RBFOX3: variants seen among roughly 807,000 people sequenced by gnomAD.
The protein encoded by RBFOX3 is RNA binding fox-1 homolog 3.
In RBFOX3, 17 loss-of-function variants were observed where a neutral mutation model predicts 48.7. That is an observed-to-expected ratio of 0.35 (90% confidence interval 0.24 to 0.52). RBFOX3 has a LOEUF of 0.52. Ranked by LOEUF, RBFOX3 falls within the 20% of genes least tolerant of loss-of-function variation. RBFOX3 has a pLI of 0.94. For synonymous variants in RBFOX3, 212 were observed against 209.5 expected, an observed-to-expected ratio of 1.01 and a Z score of -0.10; for missense variants, 382 against 497.5, an observed-to-expected ratio of 0.77 and a Z score of 2.21.
intron 4 of RBFOX3, among the ~76,000 whole-genome samples, chr17:79,143,813 A>G (rs1433598506): frequency 6.6e-6 from 1 of 152,168 alleles, no homozygotes; most frequent in Non-Finnish European, 1.5e-5. Flanking sequence ...TGACTCATGA[A>G]GACCCCCTCC....
At chr17:79,330,916 C>T (rs1471813036) in intron 2 of RBFOX3, among the ~76,000 whole-genome samples, 2 of 152,228 alleles carry the variant, frequency 1.3e-5, no homozygotes, top group Non-Finnish European at 2.9e-5. Flanking sequence ...GGCCACGTCT[C>T]GCTGTGTTCT....
intron 4 of RBFOX3, among the ~76,000 whole-genome samples, chr17:79,126,115 C>A (rs2037188775): frequency 6.6e-6 from 1 of 152,358 alleles, no homozygotes; most frequent in Admixed American, 6.5e-5. Flanking sequence ...GCCCCTCACC[C>A]CCTCCCCACG....
intron 3 of RBFOX3, among the ~76,000 whole-genome samples, chr17:79,283,321 T>C (rs1600404764): frequency 6.9e-6 from 1 of 144,390 alleles, no homozygotes; most frequent in African/African-American, 2.6e-5. Flanking sequence ...CAGGCTGGAG[T>C]GCACTAGCGT....
At chr17:79,534,808 A>G (rs2088427289) in intron 1 of RBFOX3, among the ~76,000 whole-genome samples, 1 of 152,168 alleles carries the variant, frequency 6.6e-6, no homozygotes, top group African/African-American at 2.4e-5. Context: ...TGCTTTAGGG[A>G]AGCCCCTTCA....
At chr17:79,582,205 T>C (rs965885772) in intron 1 of RBFOX3, among the ~76,000 whole-genome samples, 1 of 151,358 alleles carries the variant, frequency 6.6e-6, no homozygotes, top group African/African-American at 2.4e-5. Flanking sequence ...CCCGTGTATG[T>C]GCCTGTGCGT....
chr17:79,463,897 ACCACTGCCACCACCACCACCATTG>A (rs376538170), intron 2 of RBFOX3, among the ~76,000 whole-genome samples: 11,717 of 128,876 alleles, frequency 0.091, 660 homozygotes, highest in African/African-American at 0.19. Flanking sequence ...CATCGCCATC[ACCACTGCCACCACCACCACCATTG>A]CCACTGCCAC....
rs1027632580 is a variant in RBFOX3 at position 79,204,948 on chromosome 17, T to C, written c.-34+30818A>G. On this transcript the variant is annotated intron_variant, in intron 4 of 14. Transcript: ENST00000693108. The surrounding 1 kb of genome is among the most constrained non-coding windows in gnomAD (Gnocchi z 4.5). Reference sequence around the variant, plus strand: ...GGGATGAAATGGATGGGTGGCCAAGTAGGGTATTGCTTGGCTTATATAGCC... The same window carrying C: ...GGGATGAAATGGATGGGTGGCCAAGCAGGGTATTGCTTGGCTTATATAGCC... 1.3e-5 allele frequency among the ~76,000 whole-genome samples: 2 copies of C among 151,958 alleles called. No homozygotes were observed. Among genetic ancestry groups the C allele is most frequent in the African/African-American group, 4.8e-5 (2 of 41,356 alleles).
chr17:79,656,506 C>T, the RBFOX3 span, among the ~76,000 whole-genome samples: 7 of 151,724 alleles, frequency 4.6e-5, no homozygotes, highest in South Asian at 2.1e-4. Context: ...CGCAGCTATT[C>T]GGGAGGCTGA....
chr17:79,508,489 G>A (rs1300477989), intron 1 of RBFOX3, among the ~76,000 whole-genome samples: 1 of 152,178 alleles, frequency 6.6e-6, no homozygotes, highest in South Asian at 2.1e-4. Context: ...TCTTCTCAGT[G>A]CCTCCCTCCT....
chr17:79,639,425 C>A, the RBFOX3 span, among the ~76,000 whole-genome samples: 14 of 152,272 alleles, frequency 9.2e-5, no homozygotes, highest in South Asian at 2.7e-3. Flanking sequence ...ATCTGCCTAC[C>A]TTGGCCTCCC....
At chr17:79,647,346 T>C in the RBFOX3 span, among the ~76,000 whole-genome samples, 2 of 152,076 alleles carry the variant, frequency 1.3e-5, no homozygotes, top group African/African-American at 4.8e-5. Flanking sequence ...AGTTGCCCCT[T>C]TGACCCTCCT....
At chr17:79,478,246 T>C (rs551280268) in intron 2 of RBFOX3, among the ~76,000 whole-genome samples, 17 of 152,246 alleles carry the variant, frequency 1.1e-4, no homozygotes, top group Admixed American at 2.6e-4. Context: ...GGAAGCACGC[T>C]CATTTGGAGA....
intron 1 of RBFOX3, among the ~76,000 whole-genome samples, chr17:79,606,018 C>G (rs1214048605): frequency 6.6e-6 from 1 of 152,238 alleles, no homozygotes; most frequent in African/African-American, 2.4e-5. Flanking sequence ...TGCCCCCTAT[C>G]CCCTGACTGC....
chr17:79,439,877 C>A (rs2070477502), intron 2 of RBFOX3, among the ~76,000 whole-genome samples: 1 of 152,234 alleles, frequency 6.6e-6, no homozygotes, highest in African/African-American at 2.4e-5. Flanking sequence ...CTCTGGTGAC[C>A]CTGAGTCTGT....
intron 1 of RBFOX3, among the ~76,000 whole-genome samples, chr17:79,489,240 TAAAAAA>T (rs71161671): frequency 2.4e-5 from 3 of 126,508 alleles, no homozygotes; most frequent in Admixed American, 1.6e-4. Context: ...GCCAGAAAGT[TAAAAAA>T]AAAAAAAAAA....
At chr17:79,552,536 A>G (rs1469277444) in intron 1 of RBFOX3, among the ~76,000 whole-genome samples, 1 of 152,136 alleles carries the variant, frequency 6.6e-6, no homozygotes, top group Admixed American at 6.5e-5. Flanking sequence ...AGGAATTTCT[A>G]TCTGTTTTGT....
At chr17:79,141,708 T>C (rs1306006291) in intron 4 of RBFOX3, among the ~76,000 whole-genome samples, 1 of 152,158 alleles carries the variant, frequency 6.6e-6, no homozygotes, top group Admixed American at 6.5e-5. Context: ...GGGGGTCCTG[T>C]TTCCTCATCT....
chr17:79,401,851 G>C (rs534090662), intron 2 of RBFOX3, among the ~76,000 whole-genome samples: 5 of 152,362 alleles, frequency 3.3e-5, no homozygotes, highest in African/African-American at 1.2e-4. Flanking sequence ...TCCCGAGGGA[G>C]CGCGGCCCTG....
rs148787758 is a variant in RBFOX3, at chr17:79,262,415, G to A, written c.-73-26610C>T. Among the ~76,000 whole-genome samples the A allele has an allele frequency of 2.5e-3, 385 of 152,376 alleles. 3 individuals carry two copies. Among genetic ancestry groups the A allele is most frequent in the African/African-American group, 8.7e-3 (360 of 41,600 alleles). On this transcript the variant is annotated intron_variant, in intron 3 of 14. Coordinates refer to ENST00000693108, the MANE Select transcript of RBFOX3 (RefSeq NM_001350451.2). ...CACGGTCCCTCTCCTTGGTTTCCCT[G>A]CCAGGACTTGCACATTTCTCTGTGA...
Sources: gnomAD v4.1 joint callset for allele counts (sites outside exome capture counted in the v4.1 genomes callset) on GRCh38, gnomAD v4.1.1 for gene constraint, Gnocchi (gnomAD v3.1) non-coding constraint, MANE v1.5 for transcripts, NCBI Gene and HGNC (gene_info 2026-07-23, HGNC 2026-07-21) for gene names.